The following PCNT variants were observed in gnomAD, a reference collection of about 807,000 sequenced individuals.
PCNT encodes the protein pericentrin, also known as kendrin.
In PCNT, 319 loss-of-function variants were observed where a neutral mutation model predicts 380.4. The observed-to-expected ratio is 0.84, with a 90% CI of 0.77 to 0.92. The LOEUF (loss-of-function observed/expected upper bound fraction) is 0.92. Among genes scored for constraint, PCNT ranks in the 40% least tolerant of loss-of-function variants. PCNT has a pLI of 0.00. For missense variants in PCNT, 4,400 were observed against 4,255.3 expected (o/e 1.03, Z -0.95); for synonymous variants, 1,845 against 1,735.2 (o/e 1.06, Z -1.57).
chr21:46,331,326 T>C (rs992547055), intron 2 of PCNT, among the ~76,000 whole-genome samples: 1 of 151,516 alleles, frequency 6.6e-6, no homozygotes, highest in Non-Finnish European at 1.5e-5. Flanking sequence ...CCAGCTGATA[T>C]AAGACATATT....
At chr21:46,338,819 C>T (rs1034462584) in intron 3 of PCNT, among the ~76,000 whole-genome samples, 1 of 151,846 alleles carries the variant, frequency 6.6e-6, no homozygotes, top group South Asian at 2.1e-4. Context: ...GTCTCTCACT[C>T]GCCCAGCCTA....
rs999984546 is a variant in PCNT at position 46,363,656 on chromosome 21, G to A, written c.2331G>A (p.Lys777=). The change falls in exon 14 of 47, where the codon AAG becomes AAA. Residue 777 remains lysine, a synonymous_variant. Coordinates refer to ENST00000359568, the MANE Select transcript of PCNT (RefSeq NM_006031.6). ...LTLMLLELRE[K]AESEKQTIIN... Reference sequence around the variant, plus strand: ...TGATGCTACTTGAACTGAGAGAAAAGGCTGAATCCGAGAAACAGACCATCA... The same window carrying A: ...TGATGCTACTTGAACTGAGAGAAAAAGCTGAATCCGAGAAACAGACCATCA... 7 of 1,614,226 alleles carry A rather than the reference G, an allele frequency of 4.3e-6. No homozygotes were observed. The highest frequency in any genetic ancestry group is 5.9e-6 in the Non-Finnish European group (7 of 1,180,036).
At chr21:46,369,889 A>T (rs903972502) in intron 15 of PCNT, among the ~76,000 whole-genome samples, 1 of 152,200 alleles carries the variant, frequency 6.6e-6, no homozygotes, top group African/African-American at 2.4e-5. Flanking sequence ...GCCCTGCAGG[A>T]ACTCAGAGAT....
intron 43 of PCNT, 67 bp downstream of exon 43, chr21:46,441,151 G>A: frequency 1.0e-6 from 1 of 976,028 alleles, no homozygotes; most frequent in Non-Finnish European, 1.7e-6. Flanking sequence ...CACACTGCAT[G>A]GTTTTTTGGT....
chr21:46,342,538 T>C (rs1251380301), intron 3 of PCNT, among the ~76,000 whole-genome samples: 2 of 150,614 alleles, frequency 1.3e-5, no homozygotes, highest in South Asian at 2.1e-4. Flanking sequence ...TTCTTTCTTT[T>C]TTTTTTTTCT....
chr21:46,421,208 C>G (rs997403163), intron 31 of PCNT, among the ~76,000 whole-genome samples: 1 of 152,220 alleles, frequency 6.6e-6, no homozygotes, highest in Admixed American at 6.5e-5. Flanking sequence ...CAGGCTGTGC[C>G]GGGGCATCAT....
chr21:46,389,109 A>T, intron 18 of PCNT, 90 bp from the exon 19 acceptor site: 2 of 1,392,102 alleles, frequency 1.4e-6, no homozygotes, highest in Admixed American at 1.9e-5. Flanking sequence ...CGACGTTCTG[A>T]GTTCTGTGGC....
rs933144874 is a variant in PCNT at position 46,354,390 on chromosome 21, T to C, written c.1761+322T>C. On this transcript the variant is annotated intron_variant, in intron 11 of 46. Transcript: ENST00000359568. ...GCAGTTCAAAGGGTGTGAAATTGTGTCTTTGCTTTGAGTCCACACGGAGCG... is the reference window on the plus strand; with the variant it reads ...GCAGTTCAAAGGGTGTGAAATTGTGCCTTTGCTTTGAGTCCACACGGAGCG... Among the ~76,000 whole-genome samples, 7 of 152,342 alleles carry C rather than the reference T, an allele frequency of 4.6e-5. No individual in the cohort carries two copies. The South Asian group carries it at 6.2e-4, about 14-fold the overall frequency.
At chr21:46,366,161 C>G (rs112642672) in intron 14 of PCNT, among the ~76,000 whole-genome samples, 1 of 152,240 alleles carries the variant, frequency 6.6e-6, no homozygotes, top group Non-Finnish European at 1.5e-5. Flanking sequence ...CCATGGGCCC[C>G]CATGGGCAGT....
At chr21:46,335,332 T>A (rs1470085423) in intron 3 of PCNT, among the ~76,000 whole-genome samples, 1 of 152,238 alleles carries the variant, frequency 6.6e-6, no homozygotes, top group African/African-American at 2.4e-5. Context: ...TTTATTGACA[T>A]GTTTTTTGTT....
At chr21:46,423,343 A>G (rs2087336825) in intron 32 of PCNT, among the ~76,000 whole-genome samples, 1 of 150,996 alleles carries the variant, frequency 6.6e-6, no homozygotes, top group Non-Finnish European at 1.5e-5. Flanking sequence ...GGCGTGAGCC[A>G]CCACACCCAG....
Position 46,431,818 on chromosome 21 carries a change from A to G in PCNT, c.8354A>G (p.Gln2785Arg), listed in dbSNP as rs2087776385. 2.5e-6 allele frequency: 4 copies of G among 1,613,746 alleles called. No homozygotes were observed. The highest frequency in any genetic ancestry group is 3.4e-6 in the Non-Finnish European group (4 of 1,180,024). Residue 2785 changes from glutamine to arginine, a missense_variant, in exon 38 of 47, where the codon CAG (glutamine) becomes CGG (arginine). Transcript: ENST00000359568. Reference sequence around the variant, plus strand: ...GAGGCTTGCGTGCACCAGGACACACAGGCCCATCACGCTCTGCTGCAGAAG... The same window carrying G: ...GAGGCTTGCGTGCACCAGGACACACGGGCCCATCACGCTCTGCTGCAGAAG... ...TQEACVHQDTQAHHALLQKLK... is the reference protein window; with the variant it reads ...TQEACVHQDTRAHHALLQKLK...
chr21:46,357,033 C>T lies in PCNT; in HGVS notation c.1996C>T (p.Arg666Trp), dbSNP rs774325418. 9 of 1,614,208 alleles carry T rather than the reference C, an allele frequency of 5.6e-6. No individual in the cohort carries two copies. The highest frequency in any genetic ancestry group is 3.3e-5 in the South Asian group (3 of 91,090). The stretch of plus-strand genomic sequence containing the variant: ...CGGGGACTTGGAGGCCGACACAGAG[C>T]GGGCAGCCAGAGTCTTGGGTCTGGA... The part of the protein sequence containing the change: ...QDGDLEADTE[R>W]AARVLGLETE... The change falls in exon 13 of 47, where the codon CGG (arginine) becomes TGG (tryptophan). Residue 666 changes from arginine (R) to tryptophan (W), a missense_variant. By Grantham distance (101) the Arg-to-Trp change is moderately radical. Transcript: ENST00000359568.
intron 15 of PCNT, among the ~76,000 whole-genome samples, chr21:46,380,945 A>C (rs1278339773): frequency 1.3e-5 from 2 of 152,094 alleles, no homozygotes; most frequent in Admixed American, 6.6e-5. Context: ...TGGGTGGATC[A>C]CTTGAGGTCA....
chr21:46,436,907 G>C (rs2053474004), intron 39 of PCNT, 72 bp from the exon 40 acceptor site: 1 of 1,063,336 alleles, frequency 9.4e-7, no homozygotes, highest in Admixed American at 1.7e-5. Flanking sequence ...TGAGCCGTGA[G>C]CTCTTGTTTA....
Position 46,425,766 on chromosome 21 carries a change from G to A in PCNT, c.7180-65G>A, listed in dbSNP as rs2087467855. ...TCCTGGCGGCAGCTCGGGGCCGCAG[G>A]TGGTGTAGAGCGTGGCTGTGTGGGG... On this transcript the variant is annotated intron_variant, in intron 32 of 46. Transcript: ENST00000359568. This position sits in a 1 kb window ranked among gnomAD's most constrained non-coding sequence, Gnocchi z 4.2. 3 of 1,608,400 alleles carry A rather than the reference G, an allele frequency of 1.9e-6. No individual in the cohort carries two copies. The highest frequency in any genetic ancestry group is 4.5e-5 in the East Asian group (2 of 44,864).
chr21:46,347,877 A>AAT (rs1474674515), intron 6 of PCNT, among the ~76,000 whole-genome samples: 1 of 152,048 alleles, frequency 6.6e-6, no homozygotes, highest in Non-Finnish European at 1.5e-5. Flanking sequence ...TGCCGGGGAG[A>AAT]ATACCACACA....
Position 46,388,894 on chromosome 21 carries a change from C to A in PCNT, c.3607+10C>A. ...CTGGCCCTGTCGACAGGTGAGTGTG[C>A]CGGGACCAGCTGCCCAGCCCTGTGC... is the stretch of plus-strand genomic sequence containing the variant. On this transcript the variant is annotated intron_variant, in intron 18 of 46. Coordinates refer to ENST00000359568, the MANE Select transcript of PCNT (RefSeq NM_006031.6). The surrounding 1 kb of genome is among the most constrained non-coding windows in gnomAD (Gnocchi z 4.2). 1 of 1,589,312 alleles carries A rather than the reference C, an allele frequency of 6.3e-7. No homozygotes were observed.
At position 46,349,126 on chromosome 21, in the gene PCNT, G is replaced by C. The variant is rs984142085; in HGVS notation, c.1147G>C (p.Glu383Gln). The change falls in exon 7 of 47, where the codon GAA becomes CAA. Residue 383 changes from glutamate to glutamine, a missense_variant. Physicochemically the swap from Glu to Gln is conservative, Grantham distance 29. Transcript: ENST00000359568. ...GGATTTACAAAACCAGTTTCAGAAA[G>C]AATTGGCAGAACAGAGAGCTGAGTT... ...MEDLQNQFQK[E>Q]LAEQRAELEK... The C allele has an allele frequency of 6.8e-6, 11 of 1,613,698 alleles. No homozygotes were observed. The highest frequency in any genetic ancestry group is 1.7e-5 in the Admixed American group (1 of 60,018).
Sources: gnomAD v4.1 joint callset for allele counts (sites outside exome capture counted in the v4.1 genomes callset) on GRCh38, gnomAD v4.1.1 for gene constraint, Gnocchi (gnomAD v3.1) non-coding constraint, MANE v1.5 for transcripts, NCBI Gene and HGNC (gene_info 2026-07-23, HGNC 2026-07-21) for gene names.